PPP3CA: variants seen among roughly 807,000 people sequenced by gnomAD.
PPP3CA encodes protein phosphatase 3 catalytic subunit alpha.
PPP3CA carries 14 observed loss-of-function variants against 66.5 expected under a neutral mutation model. That is an observed-to-expected ratio of 0.21 (90% CI 0.14 to 0.33). PPP3CA has a LOEUF of 0.33. PPP3CA is among the 10% of genes least tolerant of loss of function. PPP3CA has a pLI of 1.00. For synonymous variants in PPP3CA, 232 were observed against 226.2 expected (o/e 1.03, Z -0.23); for missense variants, 317 against 639.5 (o/e 0.50, Z 5.44).
intron 1 of PPP3CA, among the ~76,000 whole-genome samples, chr4:101,235,605 C>A (rs1466313334): frequency 6.6e-6 from 1 of 151,774 alleles, no homozygotes; most frequent in Non-Finnish European, 1.5e-5. Flanking sequence ...TTCTCTATAA[C>A]CGTAAAAACT....
chr4:101,175,097 G>A (rs542488750), intron 2 of PPP3CA, among the ~76,000 whole-genome samples: 5 of 152,230 alleles, frequency 3.3e-5, no homozygotes, highest in Non-Finnish European at 7.4e-5. Context: ...AGGTGTAAAT[G>A]CCTTGAAAAC....
intron 2 of PPP3CA, among the ~76,000 whole-genome samples, chr4:101,139,762 G>T: frequency 8.1e-6 from 1 of 122,730 alleles, no homozygotes; most frequent in African/African-American, 3.2e-5. Flanking sequence ...CTTTTGTCCT[G>T]TAACTACTCA....
At chr4:101,035,097 C>T (rs1727180577) in intron 11 of PPP3CA, among the ~76,000 whole-genome samples, 1 of 152,060 alleles carries the variant, frequency 6.6e-6, no homozygotes, top group Non-Finnish European at 1.5e-5. Flanking sequence ...GAAACCTCGT[C>T]TCTACTAAAA....
intron 1 of PPP3CA, among the ~76,000 whole-genome samples, chr4:101,312,320 A>G (rs966808896): frequency 2.6e-5 from 4 of 152,122 alleles, no homozygotes; most frequent in Non-Finnish European, 5.9e-5. Context: ...AAATCATCAT[A>G]AAGTCAAAAG....
intron 7 of PPP3CA, among the ~76,000 whole-genome samples, chr4:101,081,529 T>C (rs1046043809): frequency 2.0e-5 from 3 of 152,226 alleles, no homozygotes; most frequent in Non-Finnish European, 4.4e-5. Context: ...ATGTATCTCA[T>C]GACTTCTGTG....
intron 1 of PPP3CA, among the ~76,000 whole-genome samples, chr4:101,299,260 G>A (rs1187712319): frequency 6.6e-6 from 1 of 151,078 alleles, no homozygotes; most frequent in Non-Finnish European, 1.5e-5. Context: ...GCCCATTAGA[G>A]TGTTCCAGGC....
At chr4:101,334,633 T>C (rs1053290781) in intron 1 of PPP3CA, among the ~76,000 whole-genome samples, 1 of 152,204 alleles carries the variant, frequency 6.6e-6, no homozygotes, top group Admixed American at 6.5e-5. Context: ...GCAATTCTTA[T>C]CTTAAACAAT....
At chr4:101,202,079 T>A (rs576234677) in intron 1 of PPP3CA, among the ~76,000 whole-genome samples, 15 of 152,246 alleles carry the variant, frequency 9.9e-5, no homozygotes, top group African/African-American at 3.1e-4. Context: ...AGTTTAAAGA[T>A]GATGAGAAAA....
chr4:101,345,338 A>T (rs1228260069), intron 1 of PPP3CA, among the ~76,000 whole-genome samples: 1 of 152,214 alleles, frequency 6.6e-6, no homozygotes, highest in Admixed American at 6.5e-5. Context: ...GAAACCCCAG[A>T]GGGACTTGTG....
intron 2 of PPP3CA, among the ~76,000 whole-genome samples, chr4:101,147,708 A>G (rs1280695727): frequency 1.3e-5 from 2 of 152,080 alleles, no homozygotes; most frequent in East Asian, 3.8e-4. Context: ...CACTCTATAT[A>G]AACACACACA....
intron 2 of PPP3CA, among the ~76,000 whole-genome samples, chr4:101,132,811 G>C (rs1248572423): frequency 6.6e-6 from 1 of 152,122 alleles, no homozygotes; most frequent in Non-Finnish European, 1.5e-5. Flanking sequence ...GAAAATTTCA[G>C]GCCAATATCC....
At chr4:101,195,657 TA>T (rs1173262663) in intron 2 of PPP3CA, among the ~76,000 whole-genome samples, 2 of 152,206 alleles carry the variant, frequency 1.3e-5, no homozygotes, top group African/African-American at 4.8e-5. Context: ...TATCACTTCT[TA>T]AAGTATCACT....
intron 1 of PPP3CA, among the ~76,000 whole-genome samples, chr4:101,280,178 C>T (rs556242812): frequency 9.9e-5 from 15 of 152,014 alleles, no homozygotes; most frequent in Admixed American, 2.0e-4. Context: ...GACAAATATA[C>T]GGCATGTCAA....
chr4:101,228,163 T>TA (rs1491563274), intron 1 of PPP3CA, among the ~76,000 whole-genome samples: 3 of 151,746 alleles, frequency 2.0e-5, no homozygotes, highest in African/African-American at 7.2e-5. Context: ...TGAAAACACT[T>TA]ATGTTTCAAC....
chr4:101,027,077 A>G (rs1726689695), intron 13 of PPP3CA, among the ~76,000 whole-genome samples: 1 of 152,186 alleles, frequency 6.6e-6, no homozygotes, highest in African/African-American at 2.4e-5. Context: ...CAGTGAGTAC[A>G]CCAACTGGTG....
chr4:101,346,649 G>A, intron 1 of PPP3CA, 90 bp downstream of exon 1: 1 of 1,123,108 alleles, frequency 8.9e-7, no homozygotes, highest in Middle Eastern at 2.0e-4. Context: ...AGAACCTGGG[G>A]CGGGGGAGGG....
At chr4:101,327,017 A>G (rs1729229044) in intron 1 of PPP3CA, among the ~76,000 whole-genome samples, 1 of 152,210 alleles carries the variant, frequency 6.6e-6, no homozygotes, top group African/African-American at 2.4e-5. Context: ...TAATTCCACC[A>G]TTCTTGAAAT....
At chr4:101,300,342 A>G (rs1468152056) in intron 1 of PPP3CA, among the ~76,000 whole-genome samples, 1 of 152,250 alleles carries the variant, frequency 6.6e-6, no homozygotes, top group Non-Finnish European at 1.5e-5. Flanking sequence ...TAGGATCAAA[A>G]ATTGGCAGTC....
At chr4:101,248,810 C>A (rs534131295) in intron 1 of PPP3CA, among the ~76,000 whole-genome samples, 10 of 152,150 alleles carry the variant, frequency 6.6e-5, no homozygotes, top group Non-Finnish European at 1.3e-4. Flanking sequence ...CAAATCTGAA[C>A]TGAATTATCT....
Sources: allele counts gnomAD v4.1 joint callset (sites outside exome capture counted in the v4.1 genomes callset), GRCh38; gene constraint gnomAD v4.1.1; transcripts MANE v1.5; gene names NCBI Gene and HGNC (gene_info 2026-07-23, HGNC 2026-07-21).